The following DMD variants were observed in gnomAD, a reference collection of about 807,000 sequenced individuals.
The protein encoded by DMD is dystrophin.
Under a neutral mutation model 330.1 loss-of-function variants are expected in DMD, and 63 were observed. The observed-to-expected ratio is 0.19, with a 90% CI of 0.16 to 0.24. The LOEUF is 0.24. DMD is among the 10% of genes least tolerant of loss of function. DMD has a pLI of 1.00. For missense variants in DMD, 3,344 were observed against 2,684.1 expected (o/e 1.25, Z -5.43); for synonymous variants, 1,223 against 959.8 (o/e 1.27, Z -5.07).
chrX:32,248,118 T>C (rs1261889029), intron 43 of DMD, among the ~76,000 whole-genome samples: 1 of 111,664 alleles, frequency 9.0e-6, no homozygotes, highest in Non-Finnish European at 1.9e-5. Flanking sequence ...CAGCCAAAAT[T>C]AAACAATGAT....
intron 43 of DMD, 144 bp downstream of exon 43, chrX:32,287,385 T>A: frequency 1.9e-6 from 1 of 521,126 alleles, no homozygotes; most frequent in Non-Finnish European, 3.2e-6. Context: ...CATTATTTGT[T>A]CTCATTTTAC....
intron 34 of DMD, among the ~76,000 whole-genome samples, chrX:32,371,024 C>A (rs1603631886): frequency 9.1e-6 from 1 of 110,126 alleles, no homozygotes; most frequent in African/African-American, 3.3e-5. Context: ...GAAGTGGGCC[C>A]CAAACATTGG....
intron 9 of DMD, among the ~76,000 whole-genome samples, chrX:32,665,831 C>T (rs781248106): frequency 2.3e-4 from 26 of 111,735 alleles, no homozygotes; most frequent in African/African-American, 8.4e-4. Flanking sequence ...CGTGTTTTCC[C>T]GGTAATCTTT....
intron 51 of DMD, among the ~76,000 whole-genome samples, chrX:31,739,472 T>C (rs1479963580): frequency 1.8e-5 from 2 of 111,532 alleles, no homozygotes; most frequent in South Asian, 3.7e-4. Context: ...TTTGTAGTAA[T>C]GTTTCAATTT....
intron 24 of DMD, 90 bp downstream of exon 24, chrX:32,464,496 C>CA: frequency 1.4e-6 from 1 of 721,825 alleles, no homozygotes; most frequent in Non-Finnish European, 2.2e-6. Flanking sequence ...GAGAGGAGAG[C>CA]AAAATCCACC....
rs993752139 is a variant in DMD at position 31,121,206 on chromosome X, A to G, written c.*713T>C. The G allele has an allele frequency of 2.7e-5, 3 of 111,924 alleles. No homozygotes were observed. The highest frequency in any genetic ancestry group is 6.5e-5 in the African/African-American group (2 of 30,773). 9.2% of individuals were successfully genotyped at this position (111,924 alleles called of 1,213,427 possible). A position where few individuals can be genotyped will look rare whatever the true frequency, so the allele number is the denominator to read the frequency against. ...TAGAAATTCGTATCTCTTTATCTAT[A>G]TAACTATAGTATTTATATACTTATA... On this transcript the variant is annotated 3_prime_UTR_variant, in exon 79 of 79. Coordinates refer to ENST00000357033, the MANE Select transcript of DMD (RefSeq NM_004006.3).
chrX:31,519,859 A>G (rs1174888053), intron 55 of DMD, among the ~76,000 whole-genome samples: 1 of 112,236 alleles, frequency 8.9e-6, no homozygotes, highest in East Asian at 2.8e-4. Context: ...GGTGATCTTC[A>G]GTGAGTTAAT....
At chrX:31,241,194 T>C (rs192848025) in intron 63 of DMD, among the ~76,000 whole-genome samples, 70 of 111,886 alleles carry the variant, frequency 6.3e-4, no homozygotes, top group African/African-American at 2.2e-3. Context: ...CAAATGGCTT[T>C]AGAGTATTTC....
intron 16 of DMD, among the ~76,000 whole-genome samples, chrX:32,545,999 G>A (rs991024092): frequency 1.9e-5 from 2 of 108,008 alleles, no homozygotes; most frequent in African/African-American, 6.8e-5. Context: ...TCAAATATTT[G>A]AGTTCCCATA....
intron 60 of DMD, among the ~76,000 whole-genome samples, chrX:31,369,239 A>G (rs1021595006): frequency 1.8e-5 from 2 of 112,662 alleles, no homozygotes; most frequent in Non-Finnish European, 3.7e-5. Context: ...GCCTTAGGGC[A>G]GGAGAAAACA....
intron 60 of DMD, among the ~76,000 whole-genome samples, chrX:31,395,940 G>C (rs748370451): frequency 1.8e-5 from 2 of 111,894 alleles, no homozygotes; most frequent in South Asian, 7.5e-4. Flanking sequence ...GGTTTGGGAG[G>C]AACAGAAGAT....
intron 1 of DMD, among the ~76,000 whole-genome samples, chrX:33,275,576 G>C (rs112320728): frequency 1.8e-5 from 2 of 111,835 alleles, no homozygotes; most frequent in African/African-American, 6.5e-5. Context: ...CCTGAGGTAC[G>C]TGTAATTAAT....
At chrX:31,941,380 C>T (rs759965394) in intron 45 of DMD, among the ~76,000 whole-genome samples, 1 of 111,345 alleles carries the variant, frequency 9.0e-6, no homozygotes, top group African/African-American at 3.3e-5. Context: ...CACCAGCTCC[C>T]GGTTTTTTAA....
At chrX:32,774,065 C>T (rs1230366027) in intron 7 of DMD, among the ~76,000 whole-genome samples, 3 of 111,402 alleles carry the variant, frequency 2.7e-5, no homozygotes, top group African/African-American at 9.8e-5. Context: ...GAAAGATACA[C>T]TCGCACAACA....
intron 7 of DMD, among the ~76,000 whole-genome samples, chrX:32,744,384 T>C (rs984962271): frequency 6.3e-5 from 7 of 110,991 alleles, no homozygotes; most frequent in African/African-American, 2.0e-4. Flanking sequence ...CTTCCTAGCA[T>C]TGTGTGATCT....
intron 37 of DMD, among the ~76,000 whole-genome samples, chrX:32,356,035 T>A (rs1260586886): frequency 1.8e-5 from 2 of 110,917 alleles, no homozygotes; most frequent in African/African-American, 6.5e-5. Flanking sequence ...CTGCAAAATA[T>A]CAATGTATTT....
At chrX:32,889,081 T>C (rs750623113) in intron 2 of DMD, among the ~76,000 whole-genome samples, 1 of 109,567 alleles carries the variant, frequency 9.1e-6, no homozygotes, top group East Asian at 2.9e-4. Flanking sequence ...ACAGAGAAGG[T>C]TGGGGGTATC....
chrX:32,939,785 G>C (rs2090276313), intron 2 of DMD, among the ~76,000 whole-genome samples: 1 of 110,269 alleles, frequency 9.1e-6, no homozygotes, highest in African/African-American at 3.3e-5. Flanking sequence ...ACCAAATCAA[G>C]TATGCAATCC....
At chrX:31,490,358 C>T (rs895448944) in intron 57 of DMD, among the ~76,000 whole-genome samples, 2 of 111,136 alleles carry the variant, frequency 1.8e-5, no homozygotes, top group East Asian at 2.8e-4. Context: ...GTCAGGAGAT[C>T]GAGACCATCC....
Sources: gnomAD v4.1 joint callset for allele counts (sites outside exome capture counted in the v4.1 genomes callset) on GRCh38, gnomAD v4.1.1 for gene constraint, MANE v1.5 for transcripts, NCBI Gene and HGNC (gene_info 2026-07-23, HGNC 2026-07-21) for gene names.